The following RP1L1 variants were observed in gnomAD, a reference collection of about 807,000 sequenced individuals.
The protein encoded by RP1L1 is retinitis pigmentosa 1-like 1 protein.
Under a neutral mutation model 15.7 loss-of-function variants are expected in RP1L1, and 27 were observed. That is an observed-to-expected ratio of 1.72 (90% CI 1.27 to 2.38). RP1L1 has a LOEUF of 2.38. RP1L1 is among the 30% of genes most tolerant of loss of function. The pLI, the probability that RP1L1 is intolerant of heterozygous loss-of-function variation, is 0.00. For synonymous variants in RP1L1, 1,813 were observed against 1,276.7 expected (o/e 1.42, Z -8.96); for missense variants, 4,798 against 3,075.9 (o/e 1.56, Z -13.24).
rs116153958 is a variant in RP1L1, at chr8:10,608,544, C to G, written c.5554G>C (p.Glu1852Gln). 879 of 1,600,936 alleles carry G rather than the reference C, an allele frequency of 5.5e-4. 4 individuals are homozygous for G. In the African/African-American group the frequency reaches 0.011, roughly 20 times the overall value. ...GCATCCCCTTCTGCCTCTGGGGCCT[C>G]TACACCTTCTGACTCTGGCTGGGCC... ...GEAQPESEGVEAPEAEGDAQE... is the reference protein window; with the variant it reads ...GEAQPESEGVQAPEAEGDAQE... The change falls in exon 4 of 4, where the codon GAG (glutamate) becomes CAG (glutamine). Residue 1852 changes from glutamate (E) to glutamine (Q), a missense_variant. Coordinates refer to ENST00000382483, the MANE Select transcript of RP1L1 (RefSeq NM_178857.6).
Position 10,622,851 on chromosome 8 carries a change from G to GC in RP1L1, c.350dup (p.Arg118ProfsTer20). 2 of 1,612,938 alleles carry GC rather than the reference G, an allele frequency of 1.2e-6. No homozygotes were observed. On this transcript the variant is annotated frameshift_variant, in exon 2 of 4. Transcript: ENST00000382483. LOFTEE classifies it high-confidence loss of function. ...CAGTGGGGTTTCTCTCCTGTGGCCG[G>GC]CCTGGTCCACTGGGGGTCTTGGGGG...
rs112656102 is a variant in RP1L1 at position 10,610,117 on chromosome 8, T to A, written c.3981A>T (p.Thr1327=). ...CCCCCTCTTCTTGCAGCCCTTCTTC[T>A]GTTTTAGTTTCCTCTAACTGCACCG... ...EEAVQLEETK[T]EEGLQEEGVQ... is the part of the protein sequence containing the mutation. Residue 1327 remains threonine, a synonymous_variant, in exon 4 of 4, where the codon ACA becomes ACT. Transcript: ENST00000382483. 2 of 1,425,678 alleles carry A rather than the reference T, an allele frequency of 1.4e-6. 1 individual carries two copies. The allele number at this position is 1,425,678 out of a possible 1,614,324, so 88.3% of individuals were successfully genotyped here.
Position 10,609,461 on chromosome 8 carries a change from C to T in RP1L1, c.4637G>A (p.Gly1546Asp). The change falls in exon 4 of 4, where the codon GGC becomes GAC. Residue 1546 changes from glycine (G) to aspartate (D), a missense_variant. Physicochemically the swap from Gly to Asp is moderately conservative, Grantham distance 94 (BLOSUM62 -1). Transcript: ENST00000382483. ...SAVAELRARW[G>D]LQDNDLLDQM... is the part of the protein sequence containing the mutation. ...GTCCAGCAGATCATTGTCCTGCAGG[C>T]CCCAGCGTGCTCGGAGCTCAGCCAC... 6.2e-7 allele frequency: 1 copy of T among 1,612,286 alleles called. No individual in the cohort carries two copies. Among genetic ancestry groups the T allele is most frequent in the South Asian group, 1.1e-5 (1 of 91,070 alleles).
chr8:10,628,859 C>A (rs1031691259), intron 1 of RP1L1, among the ~76,000 whole-genome samples: 4 of 152,186 alleles, frequency 2.6e-5, no homozygotes, highest in African/African-American at 9.7e-5. Context: ...GTCCATCCCC[C>A]ACAAACACAC....
intron 3 of RP1L1, 31 bp from the exon 4 acceptor site, chr8:10,613,377 A>C: frequency 6.3e-7 from 1 of 1,598,900 alleles, no homozygotes. Flanking sequence ...AAAGAAAAGA[A>C]GAAAAGACTG....
chr8:10,618,382 C>T (rs1374768332), intron 2 of RP1L1, among the ~76,000 whole-genome samples: 3 of 152,160 alleles, frequency 2.0e-5, no homozygotes, highest in Non-Finnish European at 4.4e-5. Flanking sequence ...GTGGTAGACG[C>T]CTGTAATCCT....
At position 10,609,081 on chromosome 8, in the gene RP1L1, TG is replaced by T; in HGVS notation, c.5016del (p.Lys1673ArgfsTer62). 6.2e-7 allele frequency: 1 copy of T among 1,613,758 alleles called. No individual in the cohort carries two copies. The highest frequency in any genetic ancestry group is 8.5e-7 in the Non-Finnish European group (1 of 1,179,736). On this transcript the variant is annotated frameshift_variant, in exon 4 of 4. Coordinates refer to ENST00000382483, the MANE Select transcript of RP1L1 (RefSeq NM_178857.6). LOFTEE classifies it low-confidence loss of function (END_TRUNC). The part of the protein sequence containing the change: ...CVRKKVSPMS[P>X]KATMGATRGP... ...CCTCTGGTTGCCCCCATTGTGGCCT[TG>T]GGGGACATAGGGCTCACTTTCTTCC...
intron 1 of RP1L1, among the ~76,000 whole-genome samples, chr8:10,645,121 G>C (rs529841318): frequency 1.1e-4 from 16 of 152,284 alleles, no homozygotes; most frequent in Admixed American, 1.0e-3. Flanking sequence ...AAGGCCAGGA[G>C]TTCGAGACAA....
At chr8:10,639,938 A>G (rs1481261523) in intron 1 of RP1L1, among the ~76,000 whole-genome samples, 1 of 152,166 alleles carries the variant, frequency 6.6e-6, no homozygotes, top group Non-Finnish European at 1.5e-5. Flanking sequence ...GGGTGTATTT[A>G]TTTATTAAAT....
intron 3 of RP1L1, among the ~76,000 whole-genome samples, chr8:10,614,675 AAAAAG>A (rs1797936914): frequency 1.3e-5 from 2 of 151,236 alleles, no homozygotes; most frequent in Admixed American, 1.3e-4. Flanking sequence ...AAAAAAAAAA[AAAAAG>A]AAAAGAAAAA....
intron 1 of RP1L1, among the ~76,000 whole-genome samples, chr8:10,633,988 G>A (rs1207805836): frequency 2.6e-5 from 4 of 152,098 alleles, no homozygotes; most frequent in African/African-American, 7.2e-5. Flanking sequence ...AAGGGTGCCC[G>A]AGGGCCTGAC....
Position 10,623,213 on chromosome 8 carries a change from T to C in RP1L1, c.-12A>G, listed in dbSNP as rs762179825. The C allele has an allele frequency of 1.3e-6, 2 of 1,536,496 alleles. No individual in the cohort carries two copies. Among genetic ancestry groups the C allele is most frequent in the South Asian group, 2.5e-5 (2 of 78,776 alleles). Reference sequence around the variant, plus strand: ...GGGGTGCTGTTCATGGTGTGGGGGCTCTGGCCGCTGTAACAGGGCAGAGGA... The same window carrying C: ...GGGGTGCTGTTCATGGTGTGGGGGCCCTGGCCGCTGTAACAGGGCAGAGGA... On this transcript the variant is annotated 5_prime_UTR_variant, in exon 2 of 4. Coordinates refer to ENST00000382483, the MANE Select transcript of RP1L1 (RefSeq NM_178857.6).
At position 10,612,744 on chromosome 8, in the gene RP1L1, T is replaced by C. The variant is rs1354553799; in HGVS notation, c.1354A>G (p.Ser452Gly). The change falls in exon 4 of 4, where the codon AGT (serine) becomes GGT (glycine). Residue 452 changes from serine to glycine, a missense_variant. Ser to Gly is a moderately conservative substitution (Grantham distance 56). Coordinates refer to ENST00000382483, the MANE Select transcript of RP1L1 (RefSeq NM_178857.6). The part of the protein sequence containing the change: ...TAGRERCSQD[S>G]ASPASSTGLP... ...CCGGTGCTGGAGGCTGGGCTGGCACTGTCCTGGCTGCATCTCTCCCTCCCG... is the reference window on the plus strand; with the variant it reads ...CCGGTGCTGGAGGCTGGGCTGGCACCGTCCTGGCTGCATCTCTCCCTCCCG... 12 of 1,607,432 alleles carry C rather than the reference T, an allele frequency of 7.5e-6. No individual in the cohort carries two copies. Among genetic ancestry groups the C allele is most frequent in the South Asian group, 4.4e-5 (4 of 91,068 alleles).
chr8:10,638,911 G>A (rs1283970894), intron 1 of RP1L1, among the ~76,000 whole-genome samples: 2 of 152,140 alleles, frequency 1.3e-5, no homozygotes, highest in African/African-American at 4.8e-5. Flanking sequence ...TTGGGCGGTT[G>A]AAGCCAGCGG....
intron 1 of RP1L1, among the ~76,000 whole-genome samples, chr8:10,636,640 G>A (rs1798334259): frequency 6.6e-6 from 1 of 152,144 alleles, no homozygotes; most frequent in Non-Finnish European, 1.5e-5. Flanking sequence ...ACTGCTCTCA[G>A]CTTCCTCCTT....
intron 1 of RP1L1, among the ~76,000 whole-genome samples, chr8:10,649,187 A>T (rs1798523331): frequency 6.6e-6 from 1 of 152,208 alleles, no homozygotes. Context: ...CAACCCACAG[A>T]CACAACTTTC....
chr8:10,610,740 T>C lies in RP1L1; in HGVS notation c.3358A>G (p.Thr1120Ala). ...RLSCSAGALI[T>A]CLASLQLFEE... ...AATAACTGCAGACTGGCCAGACAAGTAATGAGGGCCCCGGCTGAGCAGCTG... is the reference window on the plus strand; with the variant it reads ...AATAACTGCAGACTGGCCAGACAAGCAATGAGGGCCCCGGCTGAGCAGCTG... The change falls in exon 4 of 4, where the codon ACT (threonine) becomes GCT (alanine). Residue 1120 changes from threonine (T) to alanine (A), a missense_variant. By Grantham distance (58) the Thr-to-Ala change is moderately conservative. Coordinates refer to ENST00000382483, the MANE Select transcript of RP1L1 (RefSeq NM_178857.6). The C allele has an allele frequency of 1.2e-6, 2 of 1,613,406 alleles. No individual in the cohort carries two copies. The highest frequency in any genetic ancestry group is 1.7e-6 in the Non-Finnish European group (2 of 1,180,008).
intron 1 of RP1L1, among the ~76,000 whole-genome samples, chr8:10,632,647 T>G (rs1431964599): frequency 6.6e-6 from 1 of 152,228 alleles, no homozygotes; most frequent in African/African-American, 2.4e-5. Flanking sequence ...GCCGCTGACT[T>G]TGGCTCCCCA....
rs768823005 is a variant in RP1L1, at chr8:10,612,651, C to A, written c.1447G>T (p.Ala483Ser). 3.1e-6 allele frequency: 5 copies of A among 1,601,384 alleles called. No individual in the cohort carries two copies. In the Admixed American group the frequency reaches 6.7e-5, roughly 21 times the overall value. The stretch of plus-strand genomic sequence containing the variant: ...GCCCCTATCTGGGCAGAGGGGCTGG[C>A]ACTGTCCACCCCGTCCTCCGGGGTC... ...PRTPEDGVDS[A>S]SPSAQIGAER... Residue 483 changes from alanine (A) to serine (S), a missense_variant, in exon 4 of 4, where the codon GCC (alanine) becomes TCC (serine). Ala to Ser is a moderately conservative substitution (Grantham distance 99). Coordinates refer to ENST00000382483, the MANE Select transcript of RP1L1 (RefSeq NM_178857.6).
Sources: gnomAD v4.1 joint callset for allele counts (sites outside exome capture counted in the v4.1 genomes callset) on GRCh38, gnomAD v4.1.1 for gene constraint, MANE v1.5 for transcripts, NCBI Gene and HGNC (gene_info 2026-07-23, HGNC 2026-07-21) for gene names.